The following SGSM1 variants were observed in gnomAD, a reference collection of about 807,000 sequenced individuals.
The protein encoded by SGSM1 is RUN and TBC1 domain containing 2.
SGSM1 carries 73 observed loss-of-function variants against 133.8 expected under a neutral mutation model. The ratio of observed to expected loss-of-function variants is 0.55; its 90% CI spans 0.45 to 0.66. The LOEUF is 0.66. Among genes scored for constraint, SGSM1 ranks in the 30% least tolerant of loss-of-function variants. The pLI is 0.00. For synonymous variants in SGSM1, 563 were observed against 573.0 expected, an observed-to-expected ratio of 0.98 and a Z score of 0.25; for missense variants, 1,213 against 1,448.1, an observed-to-expected ratio of 0.84 and a Z score of 2.64.
chr22:24,830,781 G>A (rs2147809745), intron 2 of SGSM1, among the ~76,000 whole-genome samples: 1 of 83,150 alleles, frequency 1.2e-5, no homozygotes, highest in South Asian at 3.6e-4. Flanking sequence ...CCAGTAGTTG[G>A]GGAAGGGGGT....
At chr22:24,890,978 G>A (rs916259435) in intron 16 of SGSM1, among the ~76,000 whole-genome samples, 5 of 152,132 alleles carry the variant, frequency 3.3e-5, no homozygotes, top group Admixed American at 6.5e-5. Context: ...TGCCATAAAC[G>A]AGAAGCCAGT....
chr22:24,825,911 A>G (rs1928773785), intron 2 of SGSM1, among the ~76,000 whole-genome samples: 1 of 152,154 alleles, frequency 6.6e-6, no homozygotes, highest in Non-Finnish European at 1.5e-5. Flanking sequence ...CAGAGACCCC[A>G]GGTGGGGAGT....
At chr22:24,911,386 G>A (rs1482978634) in intron 21 of SGSM1, among the ~76,000 whole-genome samples, 2 of 147,656 alleles carry the variant, frequency 1.4e-5, no homozygotes, top group Non-Finnish European at 3.0e-5. Flanking sequence ...CCGCCTCCCA[G>A]GTTCAAGCAA....
At chr22:24,811,431 G>A (rs567370946) in intron 2 of SGSM1, among the ~76,000 whole-genome samples, 2 of 152,074 alleles carry the variant, frequency 1.3e-5, no homozygotes, top group Non-Finnish European at 2.9e-5. Flanking sequence ...TCTAAAGCCG[G>A]GGTGGGGGTG....
intron 2 of SGSM1, among the ~76,000 whole-genome samples, chr22:24,836,041 T>C (rs1435727845): frequency 1.3e-5 from 2 of 152,202 alleles, no homozygotes; most frequent in Non-Finnish European, 2.9e-5. Context: ...TTTACATTCT[T>C]GTGTGCCAAC....
intron 12 of SGSM1, among the ~76,000 whole-genome samples, chr22:24,870,949 C>T (rs1931738003): frequency 6.6e-6 from 1 of 152,180 alleles, no homozygotes; most frequent in Non-Finnish European, 1.5e-5. Context: ...CTCAATTTGC[C>T]TCTCCCTTAC....
intron 16 of SGSM1, among the ~76,000 whole-genome samples, chr22:24,890,886 G>T (rs1391592164): frequency 6.6e-6 from 1 of 152,102 alleles, no homozygotes; most frequent in Non-Finnish European, 1.5e-5. Context: ...TGTATCACTT[G>T]TACTATTATT....
At chr22:24,874,149 A>G (rs2147882711) in intron 12 of SGSM1, among the ~76,000 whole-genome samples, 1 of 152,330 alleles carries the variant, frequency 6.6e-6, no homozygotes, top group South Asian at 2.1e-4. Flanking sequence ...GGGAGGATGC[A>G]TCCCTCACAG....
intron 2 of SGSM1, among the ~76,000 whole-genome samples, chr22:24,817,884 A>G (rs1928201795): frequency 6.6e-6 from 1 of 152,148 alleles, no homozygotes; most frequent in South Asian, 2.1e-4. Flanking sequence ...ACTTTTAATC[A>G]TGTCCTCACA....
intron 2 of SGSM1, among the ~76,000 whole-genome samples, chr22:24,831,956 G>T (rs1929142711): frequency 6.6e-6 from 1 of 152,202 alleles, no homozygotes; most frequent in Non-Finnish European, 1.5e-5. Flanking sequence ...TAGAGAGGAG[G>T]CCTAGGTTGG....
chr22:24,881,470 G>A (rs1932319217), intron 14 of SGSM1, among the ~76,000 whole-genome samples: 1 of 151,642 alleles, frequency 6.6e-6, no homozygotes, highest in Non-Finnish European at 1.5e-5. Flanking sequence ...GGAGGCTGAG[G>A]CAGGAGAATG....
At chr22:24,829,125 G>A (rs971647123) in intron 2 of SGSM1, among the ~76,000 whole-genome samples, 3 of 152,126 alleles carry the variant, frequency 2.0e-5, no homozygotes, top group South Asian at 2.1e-4. Context: ...GAACCCGGGA[G>A]GTGGAGCTTG....
intron 12 of SGSM1, among the ~76,000 whole-genome samples, chr22:24,870,732 C>T (rs1188198059): frequency 6.6e-6 from 1 of 152,214 alleles, no homozygotes; most frequent in Non-Finnish European, 1.5e-5. Flanking sequence ...ATCGGGGAAC[C>T]AGTGCCTCCC....
At chr22:24,823,980 G>A (rs975671211) in intron 2 of SGSM1, among the ~76,000 whole-genome samples, 2 of 152,198 alleles carry the variant, frequency 1.3e-5, no homozygotes, top group Admixed American at 6.5e-5. Context: ...TTTCACAGAT[G>A]GGAAAGCTGA....
chr22:24,810,005 C>T (rs1927639721), intron 2 of SGSM1, among the ~76,000 whole-genome samples: 1 of 152,084 alleles, frequency 6.6e-6, no homozygotes, highest in African/African-American at 2.4e-5. Flanking sequence ...CATGCAGAAG[C>T]TTTGTGGCTG....
intron 8 of SGSM1, among the ~76,000 whole-genome samples, chr22:24,859,406 T>A (rs1930994470): frequency 6.6e-6 from 1 of 152,180 alleles, no homozygotes; most frequent in South Asian, 2.1e-4. Context: ...AGAGCCTCCT[T>A]CCTGGCTCTG....
At chr22:24,903,975 CAAAAAGA>C (rs1271819192) in intron 20 of SGSM1, among the ~76,000 whole-genome samples, 61 of 90,202 alleles carry the variant, frequency 6.8e-4, no homozygotes, top group Non-Finnish European at 8.3e-4. Flanking sequence ...TCTGTCTCAA[CAAAAAGA>C]AAAAAAAAAA....
intron 4 of SGSM1, among the ~76,000 whole-genome samples, chr22:24,849,363 G>C (rs1930325548): frequency 6.6e-6 from 1 of 152,094 alleles, no homozygotes; most frequent in Non-Finnish European, 1.5e-5. Context: ...AGACCAGCCT[G>C]ACCAACATGG....
At chr22:24,850,170 C>G (rs1454131360) in intron 4 of SGSM1, 110 bp from the exon 5 acceptor site, 35 of 1,157,336 alleles carry the variant, frequency 3.0e-5, no homozygotes, top group Non-Finnish European at 3.9e-5. Context: ...TCTTGTTTAG[C>G]TGCCATTCCT....
Sources: gnomAD v4.1 joint callset for allele counts (sites outside exome capture counted in the v4.1 genomes callset) on GRCh38, gnomAD v4.1.1 for gene constraint, MANE v1.5 for transcripts, NCBI Gene and HGNC (gene_info 2026-07-23, HGNC 2026-07-21) for gene names.